Variants in NCAPH observed in about 807,000 individuals in gnomAD.
NCAPH encodes condensin complex subunit 2.
Under a neutral mutation model 85.5 loss-of-function variants are expected in NCAPH, and 38 were observed. The ratio of observed to expected loss-of-function variants is 0.44; its 90% CI spans 0.34 to 0.58. The LOEUF is 0.58. NCAPH is among the 20% of genes least tolerant of loss of function. The pLI is 0.01. For synonymous variants in NCAPH, 301 were observed against 335.1 expected (o/e 0.90, Z 1.11); for missense variants, 789 against 916.6 (o/e 0.86, Z 1.80).
At chr2:96,345,133 A>G (rs1305733735) in intron 6 of NCAPH, among the ~76,000 whole-genome samples, 1 of 152,214 alleles carries the variant, frequency 6.6e-6, no homozygotes, top group Non-Finnish European at 1.5e-5. Flanking sequence ...GAGAGCTGAA[A>G]AAACATCCAG....
Position 96,364,540 on chromosome 2 carries a change from CTA to C in NCAPH, c.1649_1650del (p.Tyr550Ter). ...ETEHYEEIED[Y>X]DYNNPNDTSN... The stretch of plus-strand genomic sequence containing the variant: ...CTGAGCATTATGAAGAAATTGAAGA[CTA>C]TGATTACAACAACCCTAACGACACC... On this transcript the variant is annotated frameshift_variant, in exon 13 of 18. Transcript: ENST00000240423. LOFTEE classifies it high-confidence loss of function. 6.2e-7 allele frequency: 1 copy of C among 1,613,834 alleles called. No individual in the cohort carries two copies. The highest frequency in any genetic ancestry group is 8.5e-7 in the Non-Finnish European group (1 of 1,179,736).
chr2:96,353,512 T>C (rs2064477220), intron 8 of NCAPH, 115 bp downstream of exon 8: 4 of 939,358 alleles, frequency 4.3e-6, no homozygotes, highest in East Asian at 2.6e-5. Flanking sequence ...ACAGAAAATA[T>C]TTCCTTTGGC....
intron 6 of NCAPH, among the ~76,000 whole-genome samples, chr2:96,347,367 A>T (rs778034243): frequency 6.6e-6 from 1 of 151,862 alleles, no homozygotes; most frequent in Non-Finnish European, 1.5e-5. Context: ...AATACTAAGG[A>T]ATAAGATTTT....
At chr2:96,337,494 A>G (rs1393539285) in intron 1 of NCAPH, among the ~76,000 whole-genome samples, 1 of 151,914 alleles carries the variant, frequency 6.6e-6, no homozygotes, top group Admixed American at 6.6e-5. Flanking sequence ...ATCTCGGCCC[A>G]CTGCAAGCTC....
intron 1 of NCAPH, among the ~76,000 whole-genome samples, chr2:96,340,784 T>C (rs1488642723): frequency 7.9e-6 from 1 of 127,340 alleles, no homozygotes; most frequent in Admixed American, 9.1e-5. Context: ...ATGTCCGGCC[T>C]TTTTTTTTTT....
At chr2:96,346,790 G>A (rs1270213966) in intron 6 of NCAPH, among the ~76,000 whole-genome samples, 1 of 152,046 alleles carries the variant, frequency 6.6e-6, no homozygotes, top group African/African-American at 2.4e-5. Flanking sequence ...AGGCAAGGGA[G>A]CAAATGGCGG....
At chr2:96,361,797 T>G (rs1285787991) in intron 12 of NCAPH, among the ~76,000 whole-genome samples, 2 of 109,612 alleles carry the variant, frequency 1.8e-5, no homozygotes, top group Non-Finnish European at 3.8e-5. Flanking sequence ...TATATATGTA[T>G]ATATATGTGT....
intron 2 of NCAPH, 58 bp from the exon 3 acceptor site, chr2:96,341,992 G>C: frequency 6.2e-7 from 1 of 1,605,770 alleles, no homozygotes; most frequent in Non-Finnish European, 8.5e-7. Flanking sequence ...TCTAGGTTTT[G>C]AAAATTTAAA....
At chr2:96,348,613 T>C (rs1035462470) in intron 6 of NCAPH, among the ~76,000 whole-genome samples, 2 of 152,036 alleles carry the variant, frequency 1.3e-5, no homozygotes, top group African/African-American at 4.8e-5. Flanking sequence ...CTCCTTGTTT[T>C]TTCCCCTTCC....
intron 9 of NCAPH, among the ~76,000 whole-genome samples, chr2:96,354,794 C>T (rs934374262): frequency 2.0e-5 from 3 of 152,216 alleles, no homozygotes; most frequent in African/African-American, 7.2e-5. Flanking sequence ...GGTTATAAAA[C>T]TGACATTGCA....
Position 96,343,945 on chromosome 2 carries a change from G to A in NCAPH, c.596-160G>A, listed in dbSNP as rs541835602. Among the ~76,000 whole-genome samples the A allele has an allele frequency of 6.6e-5, 10 of 152,188 alleles. No homozygotes were observed. The South Asian group carries it at 1.9e-3, about 28-fold the overall frequency. Reference sequence around the variant, plus strand: ...TTGAACTCCTGAGCTCAAGTGATCCGTCTGCCTCAGCCTCCCAAAGCGCTA... The same window carrying A: ...TTGAACTCCTGAGCTCAAGTGATCCATCTGCCTCAGCCTCCCAAAGCGCTA... On this transcript the variant is annotated intron_variant, in intron 5 of 17. Coordinates refer to ENST00000240423, the MANE Select transcript of NCAPH (RefSeq NM_015341.5).
chr2:96,360,619 A>G lies in NCAPH; in HGVS notation c.1496A>G (p.Glu499Gly), dbSNP rs768306662. The change falls in exon 12 of 18, where the codon GAG becomes GGG. Residue 499 changes from glutamate to glycine, a missense_variant. Physicochemically the swap from Glu to Gly is moderately conservative, Grantham distance 98. Transcript: ENST00000240423. Reference sequence around the variant, plus strand: ...ACTATTCTGACCAAGTCCACTTTGGAGAACCAGAATTGGAGAGCTACCACC... The same window carrying G: ...ACTATTCTGACCAAGTCCACTTTGGGGAACCAGAATTGGAGAGCTACCACC... ...AATILTKSTL[E>G]NQNWRATTLP... The G allele has an allele frequency of 6.2e-7, 1 of 1,614,034 alleles. No individual in the cohort carries two copies. Among genetic ancestry groups the G allele is most frequent in the East Asian group, 2.2e-5 (1 of 44,900 alleles).
rs1220588211 is a variant in NCAPH at position 96,375,943 on chromosome 2, C to G, written c.*2592C>G. 6.6e-6 allele frequency among the ~76,000 whole-genome samples: 1 copy of G among 152,110 alleles called. No homozygotes were observed. Among genetic ancestry groups the G allele is most frequent in the African/African-American group, 2.4e-5 (1 of 41,424 alleles). Reference sequence around the variant, plus strand: ...AGGGTGCCACAAAGGTCCCCACCAGCAAGAAGGCTCCCACCAGATATGGAC... The same window carrying G: ...AGGGTGCCACAAAGGTCCCCACCAGGAAGAAGGCTCCCACCAGATATGGAC... On this transcript the variant is annotated 3_prime_UTR_variant, in exon 18 of 18. Transcript: ENST00000240423.
At chr2:96,368,250 G>A (rs1044213293) in intron 15 of NCAPH, among the ~76,000 whole-genome samples, 1 of 152,218 alleles carries the variant, frequency 6.6e-6, no homozygotes. Context: ...TTATCAACTA[G>A]AACAGAATGG....
At chr2:96,352,693 G>A (rs990553602) in intron 7 of NCAPH, among the ~76,000 whole-genome samples, 3 of 152,144 alleles carry the variant, frequency 2.0e-5, no homozygotes, top group Non-Finnish European at 2.9e-5. Flanking sequence ...TCGTACTCTC[G>A]CTGATCTTCA....
Position 96,351,243 on chromosome 2 carries a change from C to T in NCAPH, c.721-588C>T, listed in dbSNP as rs896750036. Among the ~76,000 whole-genome samples the T allele has an allele frequency of 3.2e-4, 48 of 152,188 alleles. 2 individuals are homozygous for T. On this transcript the variant is annotated intron_variant, in intron 6 of 17. Coordinates refer to ENST00000240423, the MANE Select transcript of NCAPH (RefSeq NM_015341.5). Reference sequence around the variant, plus strand: ...GAGACCAGCAGCAAGGATACACGTCCAGATGTATTATAAAAAAGCCATTTG... The same window carrying T: ...GAGACCAGCAGCAAGGATACACGTCTAGATGTATTATAAAAAAGCCATTTG...
At chr2:96,358,183 T>G (rs901723565) in intron 9 of NCAPH, among the ~76,000 whole-genome samples, 2 of 152,134 alleles carry the variant, frequency 1.3e-5, no homozygotes, top group Middle Eastern at 3.2e-3. Flanking sequence ...CTTAGACACT[T>G]TACACACGGC....
At chr2:96,354,603 G>A (rs1432428170) in intron 9 of NCAPH, among the ~76,000 whole-genome samples, 1 of 152,100 alleles carries the variant, frequency 6.6e-6, no homozygotes, top group Non-Finnish European at 1.5e-5. Flanking sequence ...AGGATTTCAG[G>A]TGTGAGCCAC....
chr2:96,351,887 G>C lies in NCAPH; in HGVS notation c.777G>C (p.Gly259=). The part of the protein sequence containing the change: ...AASFDECSTA[G]VFLSTLHCQD... ...CATTTGATGAGTGCAGCACAGCAGG[G>C]GTGTTTCTGTCCACTCTCCACTGCC... is the stretch of plus-strand genomic sequence containing the variant. The change falls in exon 7 of 18, where the codon GGG becomes GGC. Residue 259 remains glycine (G), a synonymous_variant. Coordinates refer to ENST00000240423, the MANE Select transcript of NCAPH (RefSeq NM_015341.5). 1.9e-6 allele frequency: 3 copies of C among 1,614,040 alleles called. No homozygotes were observed. The highest frequency in any genetic ancestry group is 2.7e-5 in the African/African-American group (2 of 75,006).
Sources: allele counts gnomAD v4.1 joint callset (sites outside exome capture counted in the v4.1 genomes callset), GRCh38; gene constraint gnomAD v4.1.1; transcripts MANE v1.5; gene names NCBI Gene and HGNC (gene_info 2026-07-23, HGNC 2026-07-21).